The following ZDHHC24 variants were observed in gnomAD, a reference collection of about 807,000 sequenced individuals.
ZDHHC24 encodes the protein probable palmitoyltransferase ZDHHC24.
Under a neutral mutation model 23.2 loss-of-function variants are expected in ZDHHC24, and 17 were observed. That is an observed-to-expected ratio of 0.73 (90% CI 0.50 to 1.10). The LOEUF (loss-of-function observed/expected upper bound fraction) is 1.10, where lower values mean the gene tolerates loss of function less well. Among genes scored for constraint, ZDHHC24 ranks in the 50% least tolerant of loss-of-function variants. ZDHHC24 has a pLI of 0.00. For synonymous variants in ZDHHC24, 186 were observed against 194.5 expected (o/e 0.96, Z 0.36); for missense variants, 366 against 393.0 (o/e 0.93, Z 0.58).
intron 2 of ZDHHC24, among the ~76,000 whole-genome samples, chr11:66,540,426 T>TG (rs1857117296): frequency 2.2e-5 from 1 of 45,032 alleles, no homozygotes; most frequent in Non-Finnish European, 4.0e-5. Flanking sequence ...GACTCCCATC[T>TG]CAAAAAAAAA....
chr11:66,531,830 T>A, downstream of ZDHHC24: 1 of 1,605,968 alleles, frequency 6.2e-7, no homozygotes, highest in Non-Finnish European at 8.5e-7. Context: ...CTTAGGGGGC[T>A]CCTGGGTGGG....
chr11:66,540,556 C>T (rs565491594), intron 2 of ZDHHC24, among the ~76,000 whole-genome samples: 1 of 151,778 alleles, frequency 6.6e-6, no homozygotes, highest in East Asian at 1.9e-4. Context: ...GGTGAAACTC[C>T]GTCTCTACTA....
chr11:66,532,196 A>G, downstream of ZDHHC24: 1 of 763,304 alleles, frequency 1.3e-6, no homozygotes, highest in Non-Finnish European at 2.1e-6. Context: ...TGTTGGGCCT[A>G]TAGTAGCAGG....
intron 4 of ZDHHC24, among the ~76,000 whole-genome samples, chr11:66,522,579 C>G (rs1223663912): frequency 6.6e-6 from 1 of 152,086 alleles, no homozygotes; most frequent in Non-Finnish European, 1.5e-5. Context: ...AACGCCTGAC[C>G]TTGTGATCCA....
At chr11:66,542,679 G>A in intron 2 of ZDHHC24, 1 of 153,172 alleles carries the variant, frequency 6.5e-6, no homozygotes, top group Non-Finnish European at 1.5e-5. Context: ...CATTGAGGGG[G>A]CTGTTCATGC....
chr11:66,527,441 T>G (rs959780859), intron 3 of ZDHHC24: 1 of 254,032 alleles, frequency 3.9e-6, no homozygotes, highest in African/African-American at 2.3e-5. Context: ...GAGGCGGAGA[T>G]GGGCAGATCA....
chr11:66,521,438 G>A (rs1856213135), exon 5 of ZDHHC24: 2 of 1,339,232 alleles, frequency 1.5e-6, no homozygotes, highest in African/African-American at 2.9e-5. Context: ...TGGCTTCAGA[G>A]GCTTGCAAGA....
downstream of ZDHHC24, chr11:66,531,591 G>A: frequency 6.2e-7 from 1 of 1,605,722 alleles, no homozygotes; most frequent in East Asian, 2.2e-5. Flanking sequence ...GGGCCTGAAT[G>A]CACTGGAATA....
Position 66,539,088 on chromosome 11 carries a change from C to G in ZDHHC24, c.*441G>C, listed in dbSNP as rs1857067958. On this transcript the variant is annotated 3_prime_UTR_variant, in exon 3 of 3. Transcript: ENST00000310442. The stretch of plus-strand genomic sequence containing the variant: ...TCTCATAGCCTGGATCAGTAGGACA[C>G]TGCCTTGGCGTGCTGGTGCCCCACC... The G allele has an allele frequency of 4.1e-6, 1 of 243,720 alleles. No homozygotes were observed. Among genetic ancestry groups the G allele is most frequent in the African/African-American group, 2.3e-5 (1 of 43,324 alleles). 15.1% of individuals were successfully genotyped at this position (243,720 alleles called of 1,614,324 possible). A position where few individuals can be genotyped will look rare whatever the true frequency, so the allele number is the denominator to read the frequency against.
At position 66,545,693 on chromosome 11, in the gene ZDHHC24, T is replaced by A; in HGVS notation, c.281+30A>T. 6.8e-7 allele frequency: 1 copy of A among 1,480,578 alleles called. No individual in the cohort carries two copies. The highest frequency in any genetic ancestry group is 8.9e-7 in the Non-Finnish European group (1 of 1,120,464). 91.7% of individuals were successfully genotyped at this position (1,480,578 alleles called of 1,614,324 possible). ...CTCCCCCCTGTCCAAGGCTCCCACT[T>A]CTCCCCGCCCGATCCCGCACCCCAC... is the stretch of plus-strand genomic sequence containing the variant. On this transcript the variant is annotated intron_variant, in intron 1 of 2. Coordinates refer to ENST00000310442, the MANE Select transcript of ZDHHC24 (RefSeq NM_207340.3). The surrounding 1 kb of genome is among the most constrained non-coding windows in gnomAD (Gnocchi z 4.5).
intron 4 of ZDHHC24, chr11:66,526,706 G>A (rs748523004): frequency 1.2e-6 from 2 of 1,614,232 alleles, no homozygotes; most frequent in East Asian, 2.2e-5. Context: ...GAGGGAGGAA[G>A]TGAGGTGGGT....
At position 66,537,045 on chromosome 11, in the gene ZDHHC24, C is replaced by T. The variant is rs539599084; in HGVS notation, c.*2484G>A. ...CATGCCTGTTACAAAAACAACCAGC[C>T]AAGCAGCTCAGATCTTTGTGGGCAT... is the stretch of plus-strand genomic sequence containing the variant. On this transcript the variant is annotated 3_prime_UTR_variant, in exon 3 of 3. Transcript: ENST00000310442. The T allele has an allele frequency of 2.9e-4, 44 of 151,944 alleles. No individual in the cohort carries two copies. Among genetic ancestry groups the T allele is most frequent in the African/African-American group, 9.6e-4 (40 of 41,522 alleles). The allele number at this position is 151,944 out of a possible 1,614,324, so 9.4% of individuals were successfully genotyped here. A position where few individuals can be genotyped will look rare whatever the true frequency, so the allele number is the denominator to read the frequency against.
intron 3 of ZDHHC24, among the ~76,000 whole-genome samples, chr11:66,528,861 G>A (rs528568392): frequency 3.8e-4 from 58 of 151,412 alleles, no homozygotes; most frequent in African/African-American, 1.4e-3. Flanking sequence ...CCAGCTACTC[G>A]GGAGGCTGAG....
At chr11:66,534,086 T>A (rs992890843), downstream of ZDHHC24, among the ~76,000 whole-genome samples, 60 of 151,452 alleles carry the variant, frequency 4.0e-4, no homozygotes, top group African/African-American at 1.2e-3. Flanking sequence ...GGAGAATCGC[T>A]TGAACCCGGG....
At chr11:66,540,933 C>G (rs1245692666) in intron 2 of ZDHHC24, among the ~76,000 whole-genome samples, 1 of 152,094 alleles carries the variant, frequency 6.6e-6, no homozygotes, top group Non-Finnish European at 1.5e-5. Flanking sequence ...GGCAAGTCCA[C>G]AGAGACAGAA....
downstream of ZDHHC24, chr11:66,532,410 C>T: frequency 4.5e-6 from 1 of 223,464 alleles, no homozygotes; most frequent in South Asian, 9.8e-5. Context: ...CATCACTCAT[C>T]TCCTGCTGCA....
At chr11:66,530,079 C>A in intron 2 of ZDHHC24, 1 of 1,355,244 alleles carries the variant, frequency 7.4e-7, no homozygotes, top group Non-Finnish European at 1.0e-6. Flanking sequence ...CTCCCCATCA[C>A]CTTCCCGCAG....
At chr11:66,541,810 G>A (rs1857160009) in intron 2 of ZDHHC24, among the ~76,000 whole-genome samples, 1 of 152,080 alleles carries the variant, frequency 6.6e-6, no homozygotes, top group Admixed American at 6.6e-5. Context: ...GGAGTGTGTG[G>A]AGACAGATCC....
At chr11:66,544,871 AT>A (rs1220376071) in intron 1 of ZDHHC24, among the ~76,000 whole-genome samples, 1 of 151,188 alleles carries the variant, frequency 6.6e-6, no homozygotes, top group Non-Finnish European at 1.5e-5. Flanking sequence ...ACCTGGTGTA[AT>A]TTTTTTTTCT....
Sources: gnomAD v4.1 joint callset for allele counts (sites outside exome capture counted in the v4.1 genomes callset) on GRCh38, gnomAD v4.1.1 for gene constraint, Gnocchi (gnomAD v3.1) non-coding constraint, MANE v1.5 for transcripts, NCBI Gene and HGNC (gene_info 2026-07-23, HGNC 2026-07-21) for gene names.